Variants in MAN2A1 observed in about 807,000 individuals in gnomAD.
The protein encoded by MAN2A1 is alpha-mannosidase 2.
A neutral mutation model predicts 142.6 loss-of-function variants in MAN2A1; 76 were observed. The observed-to-expected ratio is 0.53, with a 90% CI of 0.44 to 0.65. The LOEUF (loss-of-function observed/expected upper bound fraction) is 0.65, where lower values mean the gene tolerates loss of function less well. Ranked by LOEUF, MAN2A1 falls within the 30% of genes least tolerant of loss-of-function variation. The pLI, the probability that MAN2A1 is intolerant of heterozygous loss-of-function variation, is 0.00. For synonymous variants in MAN2A1, 559 were observed against 473.2 expected (o/e 1.18, Z -2.35); for missense variants, 1,311 against 1,365.1 (o/e 0.96, Z 0.62).
At chr5:109,767,742 G>T in intron 6 of MAN2A1, 34 bp downstream of exon 6, 4 of 1,574,760 alleles carry the variant, frequency 2.5e-6, no homozygotes, top group Non-Finnish European at 3.5e-6. Flanking sequence ...GATCCCATTT[G>T]GCCTAGATAC....
Position 109,867,200 on chromosome 5 carries a change from CT to C in MAN2A1, c.*211del, listed in dbSNP as rs1442546937. 37 of 352,760 alleles carry C rather than the reference CT, an allele frequency of 1.0e-4. No homozygotes were observed. Among genetic ancestry groups the C allele is most frequent in the South Asian group, 2.2e-4 (2 of 9,230 alleles). The allele number at this position is 352,760 out of a possible 1,614,324, so 21.9% of individuals were successfully genotyped here. On this transcript the variant is annotated 3_prime_UTR_variant, in exon 22 of 22. Coordinates refer to ENST00000261483, the MANE Select transcript of MAN2A1 (RefSeq NM_002372.4). ...AAAAGCCATGCTATCAATCAAGATT[CT>C]TTTTTTTTAAACTTTCTCCCATGAA...
intron 3 of MAN2A1, among the ~76,000 whole-genome samples, chr5:109,720,875 A>T (rs1751583533): frequency 6.6e-6 from 1 of 152,150 alleles, no homozygotes. Context: ...TCGGAAGGAG[A>T]AGTTGTACGT....
chr5:109,760,595 A>G (rs1752815713), intron 5 of MAN2A1, among the ~76,000 whole-genome samples: 1 of 152,148 alleles, frequency 6.6e-6, no homozygotes, highest in Non-Finnish European at 1.5e-5. Context: ...ACTCCCACCA[A>G]CAATGTAAAA....
intron 21 of MAN2A1, 105 bp from the exon 22 acceptor site, chr5:109,866,741 C>G (rs1755893346): frequency 1.5e-6 from 1 of 654,646 alleles, no homozygotes; most frequent in Non-Finnish European, 2.6e-6. Flanking sequence ...AGAACTTCAA[C>G]ATACTGTTTT....
chr5:109,799,619 T>C (rs572115889), intron 12 of MAN2A1, among the ~76,000 whole-genome samples: 1 of 151,718 alleles, frequency 6.6e-6, no homozygotes, highest in South Asian at 2.1e-4. Context: ...CTGCGCATGG[T>C]GGCGCATGCC....
At chr5:109,730,831 G>C (rs924814291) in intron 4 of MAN2A1, among the ~76,000 whole-genome samples, 12 of 152,152 alleles carry the variant, frequency 7.9e-5, no homozygotes, top group South Asian at 4.1e-4. Flanking sequence ...ATGTAGTCCA[G>C]GCTGTCCACC....
At chr5:109,851,435 T>G (rs947595171) in intron 19 of MAN2A1, among the ~76,000 whole-genome samples, 1 of 152,178 alleles carries the variant, frequency 6.6e-6, no homozygotes, top group African/African-American at 2.4e-5. Context: ...GGGATCTGCC[T>G]CATGAATGAA....
rs750946540 is a variant in MAN2A1, at chr5:109,817,461, A to C, written c.2109+23A>C. On this transcript the variant is annotated intron_variant, in intron 13 of 21. Transcript: ENST00000261483. ...GAGGTATGTTGTAGCCATAGAACTT[A>C]AGGAGGCATTGTAAAACAAACCTAG... The C allele has an allele frequency of 8.1e-6, 13 of 1,611,672 alleles. No individual in the cohort carries two copies. The Admixed American group carries it at 1.2e-4, about 14-fold the overall frequency.
At chr5:109,804,823 A>G (rs1167521988) in intron 12 of MAN2A1, among the ~76,000 whole-genome samples, 3 of 152,196 alleles carry the variant, frequency 2.0e-5, no homozygotes, top group African/African-American at 4.8e-5. Flanking sequence ...GAATACAAAC[A>G]TCTTTGCCAT....
intron 12 of MAN2A1, among the ~76,000 whole-genome samples, chr5:109,791,000 G>A (rs2013881): frequency 0.65 from 98,513 of 151,926 alleles, 32,657 homozygotes; most frequent in East Asian, 0.93. Context: ...GTTAGGAAAT[G>A]TAGTATATTA....
chr5:109,862,665 T>C (rs1755785445), intron 20 of MAN2A1: 1 of 152,194 alleles, frequency 6.6e-6, no homozygotes, highest in Middle Eastern at 3.2e-3. Flanking sequence ...CATATTCAAG[T>C]TAAATTCACA....
intron 8 of MAN2A1, among the ~76,000 whole-genome samples, chr5:109,777,497 G>A (rs1753327108): frequency 6.6e-6 from 1 of 151,856 alleles, no homozygotes; most frequent in Non-Finnish European, 1.5e-5. Context: ...TGCAAATGTT[G>A]TCTCCTACTA....
chr5:109,830,490 A>G (rs1157507392), intron 16 of MAN2A1, among the ~76,000 whole-genome samples: 1 of 152,200 alleles, frequency 6.6e-6, no homozygotes, highest in East Asian at 1.9e-4. Context: ...TTCATCTTCT[A>G]AGAATGCCTG....
At chr5:109,755,281 A>AACC in intron 4 of MAN2A1, 48 bp from the exon 5 acceptor site, 5 of 1,457,260 alleles carry the variant, frequency 3.4e-6, no homozygotes, top group Non-Finnish European at 4.8e-6. Context: ...TTTCATTTGA[A>AACC]CTTTTCTTAA....
At chr5:109,743,046 A>C (rs975191781) in intron 4 of MAN2A1, among the ~76,000 whole-genome samples, 1 of 152,174 alleles carries the variant, frequency 6.6e-6, no homozygotes, top group African/African-American at 2.4e-5. Flanking sequence ...AGCCTCAGAG[A>C]GGATTTTTTT....
chr5:109,857,093 A>G (rs1432415435), intron 20 of MAN2A1, among the ~76,000 whole-genome samples: 1 of 152,220 alleles, frequency 6.6e-6, no homozygotes, highest in Non-Finnish European at 1.5e-5. Flanking sequence ...AGGTCAGAGA[A>G]TAAGAGACTC....
At chr5:109,780,575 G>A (rs1300356869) in intron 8 of MAN2A1, among the ~76,000 whole-genome samples, 3 of 151,002 alleles carry the variant, frequency 2.0e-5, no homozygotes, top group African/African-American at 2.4e-5. Flanking sequence ...AACAAAATCC[G>A]CATCTTTCTT....
intron 16 of MAN2A1, among the ~76,000 whole-genome samples, chr5:109,827,744 C>T (rs1284065372): frequency 1.3e-5 from 2 of 152,146 alleles, no homozygotes; most frequent in Non-Finnish European, 2.9e-5. Context: ...TCTAAAAATA[C>T]TAAATTAGAA....
chr5:109,814,268 T>C (rs1225382137), intron 12 of MAN2A1, among the ~76,000 whole-genome samples: 2 of 152,220 alleles, frequency 1.3e-5, no homozygotes, highest in East Asian at 3.8e-4. Context: ...TATGATATAC[T>C]GAAACCTATT....
Sources: allele counts gnomAD v4.1 joint callset (sites outside exome capture counted in the v4.1 genomes callset), GRCh38; gene constraint gnomAD v4.1.1; transcripts MANE v1.5; gene names NCBI Gene and HGNC (gene_info 2026-07-23, HGNC 2026-07-21).